The following PEPD variants were observed in gnomAD, a reference collection of about 807,000 sequenced individuals.
The protein encoded by PEPD is peptidase D.
In PEPD, 53 loss-of-function variants were observed where a neutral mutation model predicts 60.7. The observed-to-expected ratio is 0.87, with a 90% confidence interval of 0.70 to 1.10. The LOEUF is 1.10. Among genes scored for constraint, PEPD ranks in the 50% least tolerant of loss-of-function variants. The probability of loss-of-function intolerance (pLI) is 0.00; values close to 1 mark genes in which losing one functional copy is unlikely to be tolerated. For missense variants in PEPD, 711 were observed against 711.9 expected, an observed-to-expected ratio of 1.00 and a Z score of 0.01; for synonymous variants, 267 against 284.1, an observed-to-expected ratio of 0.94 and a Z score of 0.60.
Position 33,485,682 on chromosome 19 carries a change from C to G in PEPD, c.503+4314G>C, listed in dbSNP as rs559383026. On this transcript the variant is annotated intron_variant, in intron 6 of 14. Transcript: ENST00000244137. ...ATATTAATATTCCTGCATTAACAAC[C>G]CCCAAATTCAGAATTTCATCTTTAA... 1.3e-4 allele frequency among the ~76,000 whole-genome samples: 20 copies of G among 152,132 alleles called. No homozygotes were observed. The South Asian group carries it at 4.2e-3, about 32-fold the overall frequency.
intron 7 of PEPD, among the ~76,000 whole-genome samples, chr19:33,467,516 G>A (rs1970043508): frequency 6.6e-6 from 1 of 152,120 alleles, no homozygotes; most frequent in Non-Finnish European, 1.5e-5. Flanking sequence ...GGCCCCATCT[G>A]TGCAGCCTCA....
At chr19:33,511,592 C>A (rs1173509081) in intron 2 of PEPD, 6 of 295,952 alleles carry the variant, frequency 2.0e-5, no homozygotes, top group African/African-American at 4.3e-5. Flanking sequence ...CTCTCCCACC[C>A]CCGGGACGGC....
chr19:33,516,077 T>C (rs554238747), intron 1 of PEPD, among the ~76,000 whole-genome samples: 1 of 151,890 alleles, frequency 6.6e-6, no homozygotes, highest in South Asian at 2.1e-4. Context: ...GCTCTGAGCA[T>C]AAGAAGGGCT....
chr19:33,479,889 G>A (rs966877731), intron 6 of PEPD, among the ~76,000 whole-genome samples: 2 of 152,184 alleles, frequency 1.3e-5, no homozygotes, highest in African/African-American at 4.8e-5. Flanking sequence ...ACATACACAT[G>A]CATGTGTTGT....
intron 12 of PEPD, 151 bp from the exon 13 acceptor site, chr19:33,391,630 A>T: frequency 1.4e-6 from 1 of 736,898 alleles, no homozygotes; most frequent in Non-Finnish European, 2.3e-6. Flanking sequence ...TCGGGGGCCC[A>T]GGGGGACAAG....
intron 10 of PEPD, among the ~76,000 whole-genome samples, chr19:33,412,876 C>G (rs927739234): frequency 5.3e-5 from 8 of 152,314 alleles, no homozygotes; most frequent in Admixed American, 5.2e-4. Context: ...CGCCCACAGC[C>G]AGGACGCATG....
intron 9 of PEPD, among the ~76,000 whole-genome samples, chr19:33,448,707 G>A (rs777867671): frequency 3.9e-5 from 6 of 152,028 alleles, no homozygotes; most frequent in East Asian, 3.9e-4. Flanking sequence ...GACGGGGAGC[G>A]GTGGGGCCTG....
chr19:33,488,488 G>C (rs1342677038), intron 6 of PEPD, among the ~76,000 whole-genome samples: 1 of 152,136 alleles, frequency 6.6e-6, no homozygotes, highest in African/African-American at 2.4e-5. Context: ...GGGAGTCCCG[G>C]GACTGGGACA....
chr19:33,390,528 TG>T (rs908751105), intron 13 of PEPD, among the ~76,000 whole-genome samples: 1 of 152,212 alleles, frequency 6.6e-6, no homozygotes, highest in Non-Finnish European at 1.5e-5. Flanking sequence ...GCTAACTGGC[TG>T]GGGGGCCCCA....
At chr19:33,472,123 T>G (rs1427449928) in intron 7 of PEPD, among the ~76,000 whole-genome samples, 2 of 148,774 alleles carry the variant, frequency 1.3e-5, no homozygotes, top group Admixed American at 1.3e-4. Context: ...ATTGAGCCAT[T>G]GCACTCCAGC....
At chr19:33,414,748 T>G (rs1968853001) in intron 9 of PEPD, among the ~76,000 whole-genome samples, 1 of 152,238 alleles carries the variant, frequency 6.6e-6, no homozygotes, top group African/African-American at 2.4e-5. Context: ...TTGTCATGAT[T>G]GGATATTAAG....
At chr19:33,435,368 G>C (rs931895778) in intron 9 of PEPD, among the ~76,000 whole-genome samples, 11 of 152,330 alleles carry the variant, frequency 7.2e-5, no homozygotes, top group African/African-American at 2.4e-4. Flanking sequence ...TAACATGATG[G>C]AAAACAGAAG....
intron 9 of PEPD, among the ~76,000 whole-genome samples, chr19:33,442,104 A>G (rs1969489222): frequency 6.6e-6 from 1 of 152,210 alleles, no homozygotes; most frequent in Admixed American, 6.5e-5. Context: ...AAGGGGCTTA[A>G]TAATAGTCCC....
chr19:33,390,835 G>A (rs537075862), intron 13 of PEPD, among the ~76,000 whole-genome samples: 5 of 152,292 alleles, frequency 3.3e-5, no homozygotes, highest in African/African-American at 1.2e-4. Flanking sequence ...GGCAGAGCAG[G>A]GCTGCTCCGG....
At chr19:33,458,205 G>A (rs934115512) in intron 9 of PEPD, among the ~76,000 whole-genome samples, 2 of 151,738 alleles carry the variant, frequency 1.3e-5, no homozygotes, top group African/African-American at 4.8e-5. Flanking sequence ...TGTGGTGTGT[G>A]CAGGGTATTG....
At chr19:33,519,891 C>A (rs1971099290) in intron 1 of PEPD, among the ~76,000 whole-genome samples, 1 of 152,056 alleles carries the variant, frequency 6.6e-6, no homozygotes, top group Non-Finnish European at 1.5e-5. Flanking sequence ...CATGGTGAAA[C>A]CCCATCTCCA....
In PEPD at chr19:33,509,733, C is replaced by G. The variant is rs139949848; in HGVS notation, c.329+1295G>C. Among the ~76,000 whole-genome samples the G allele has an allele frequency of 4.6e-5, 7 of 152,354 alleles. No individual in the cohort carries two copies. The East Asian group carries it at 1.4e-3, about 29-fold the overall frequency. ...ATAATCACTCTCCAGGCGGAGATGA[C>G]ACGCAGTGAGGCAGCCAGCATTTAG... On this transcript the variant is annotated intron_variant, in intron 3 of 14. Coordinates refer to ENST00000244137, the MANE Select transcript of PEPD (RefSeq NM_000285.4).
At chr19:33,388,845 C>A (rs949279410) in intron 13 of PEPD, 3 of 153,684 alleles carry the variant, frequency 2.0e-5, no homozygotes, top group Non-Finnish European at 2.9e-5. Flanking sequence ...TGTCCACTCA[C>A]AGGCACAGCT....
At chr19:33,410,281 G>C (rs983023033) in intron 11 of PEPD, among the ~76,000 whole-genome samples, 7 of 152,256 alleles carry the variant, frequency 4.6e-5, no homozygotes, top group African/African-American at 1.7e-4. Flanking sequence ...GCCTGAGCTG[G>C]AACAGCTCAT....
Sources: gnomAD v4.1 joint callset for allele counts (sites outside exome capture counted in the v4.1 genomes callset) on GRCh38, gnomAD v4.1.1 for gene constraint, MANE v1.5 for transcripts, NCBI Gene and HGNC (gene_info 2026-07-23, HGNC 2026-07-21) for gene names.